LRP2: variants seen among roughly 807,000 people sequenced by gnomAD.
The protein encoded by LRP2 is low-density lipoprotein receptor-related protein 2.
A neutral mutation model predicts 531.0 loss-of-function variants in LRP2; 172 were observed. The observed-to-expected ratio is 0.32, with a 90% CI of 0.29 to 0.37. LRP2 has a LOEUF of 0.37. LRP2 is among the 10% of genes least tolerant of loss of function. The pLI is 1.00. For synonymous variants in LRP2, 1,992 were observed against 2,027.6 expected, an observed-to-expected ratio of 0.98 and a Z score of 0.47; for missense variants, 5,167 against 5,868.3, an observed-to-expected ratio of 0.88 and a Z score of 3.90.
chr2:169,138,625 T>C lies in LRP2; in HGVS notation c.13470A>G (p.Gly4490=). 2 of 1,614,016 alleles carry C rather than the reference T, an allele frequency of 1.2e-6. No homozygotes were observed. The highest frequency in any genetic ancestry group is 1.7e-6 in the Non-Finnish European group (2 of 1,179,942). The change falls in exon 75 of 79, where the codon GGA becomes GGG. Residue 4490 remains glycine (G), a synonymous_variant. Transcript: ENST00000649046. ...RSGADLNMDI[G]VSGFGPETAI... Reference sequence around the variant, plus strand: ...CAGTCTCAGGTCCAAAACCAGACACTCCAATATCCATGTTAAGATCTGCCC... The same window carrying C: ...CAGTCTCAGGTCCAAAACCAGACACCCCAATATCCATGTTAAGATCTGCCC...
intron 52 of LRP2, among the ~76,000 whole-genome samples, chr2:169,178,423 G>A (rs1324064190): frequency 1.3e-5 from 2 of 152,060 alleles, no homozygotes; most frequent in African/African-American, 2.4e-5. Context: ...CAACACCATT[G>A]GAAGAAATCA....
intron 15 of LRP2, among the ~76,000 whole-genome samples, chr2:169,272,379 CTG>C (rs1482059392): frequency 2.0e-5 from 3 of 152,040 alleles, no homozygotes; most frequent in Non-Finnish European, 2.9e-5. Flanking sequence ...AGGTGAAAAA[CTG>C]TGTGAGTAAC....
At chr2:169,162,451 T>C in intron 63 of LRP2, 21 bp downstream of exon 63, 2 of 1,613,852 alleles carry the variant, frequency 1.2e-6, no homozygotes, top group South Asian at 1.1e-5. Flanking sequence ...CAATGAACTA[T>C]AAAAACAAGT....
chr2:169,294,068 C>A, intron 6 of LRP2, 80 bp downstream of exon 6: 1 of 941,372 alleles, frequency 1.1e-6, no homozygotes, highest in Non-Finnish European at 1.8e-6. Flanking sequence ...GGTGGGGGAG[C>A]GGGGGGATAA....
chr2:169,362,380 G>T lies in LRP2; in HGVS notation c.20C>A (p.Ala7Glu). 6.4e-7 allele frequency: 1 copy of T among 1,567,552 alleles called. No individual in the cohort carries two copies. Among genetic ancestry groups the T allele is most frequent in the South Asian group, 1.2e-5 (1 of 85,260 alleles). The part of the protein sequence containing the change: MDRGPA[A>E]VACTLLLALV... ...AGCCAGGAGCAGCGTGCACGCCACTGCTGCCGGCCCGCGATCCATCTCCGC... is the reference window on the plus strand; with the variant it reads ...AGCCAGGAGCAGCGTGCACGCCACTTCTGCCGGCCCGCGATCCATCTCCGC... The change falls in exon 1 of 79, where the codon GCA becomes GAA. Residue 7 changes from alanine (A) to glutamate (E), a missense_variant. Around this residue, in one of 6 missense-constraint regions of LRP2, gnomAD observed 2,811 missense variants for 3,058.0 expected, o/e 0.92. Coordinates refer to ENST00000649046, the MANE Select transcript of LRP2 (RefSeq NM_004525.3).
chr2:169,208,485 C>T (rs1688476061), intron 38 of LRP2, among the ~76,000 whole-genome samples: 2 of 151,934 alleles, frequency 1.3e-5, no homozygotes, highest in Non-Finnish European at 2.9e-5. Flanking sequence ...GAGACAGAGT[C>T]TCAGTCTGTC....
At chr2:169,261,924 G>T (rs1163992373) in intron 16 of LRP2, among the ~76,000 whole-genome samples, 1 of 151,092 alleles carries the variant, frequency 6.6e-6, no homozygotes, top group African/African-American at 2.4e-5. Flanking sequence ...TCCCTGGGAT[G>T]CAAGGCTGGT....
chr2:169,348,606 A>G (rs1047579189), intron 1 of LRP2, among the ~76,000 whole-genome samples: 4 of 152,188 alleles, frequency 2.6e-5, no homozygotes, highest in African/African-American at 9.7e-5. Context: ...ATGACAGTCC[A>G]CTAACACGAA....
At chr2:169,269,894 T>C (rs1454308045) in intron 16 of LRP2, among the ~76,000 whole-genome samples, 1 of 151,952 alleles carries the variant, frequency 6.6e-6, no homozygotes, top group Non-Finnish European at 1.5e-5. Flanking sequence ...ACAAAGAACT[T>C]AAACAAATTT....
chr2:169,258,248 C>T (rs932697964), intron 17 of LRP2, among the ~76,000 whole-genome samples: 1 of 152,036 alleles, frequency 6.6e-6, no homozygotes, highest in Non-Finnish European at 1.5e-5. Flanking sequence ...AGCTGCGGGC[C>T]CTTTCACAAG....
chr2:169,191,320 T>A (rs962942031), intron 48 of LRP2, among the ~76,000 whole-genome samples: 5 of 152,144 alleles, frequency 3.3e-5, no homozygotes, highest in Non-Finnish European at 2.9e-5. Flanking sequence ...TTTCTTGTAG[T>A]AGAGAGAAGA....
intron 77 of LRP2, among the ~76,000 whole-genome samples, chr2:169,132,294 C>T (rs749293307): frequency 6.6e-5 from 10 of 152,124 alleles, no homozygotes; most frequent in Admixed American, 1.3e-4. Context: ...TGTCTCTGGT[C>T]TGAAGATACT....
Position 169,291,010 on chromosome 2 carries a change from A to T in LRP2, c.770-13T>A. The T allele has an allele frequency of 6.2e-7, 1 of 1,613,756 alleles. No homozygotes were observed. Among genetic ancestry groups the T allele is most frequent in the South Asian group, 1.1e-5 (1 of 91,032 alleles). ...TGAGGACCGCTTTCTGTGGGGGGAA[A>T]AAGAGAGAGTTACAGGCCATAGGGG... On this transcript the variant is annotated splice_polypyrimidine_tract_variant and intron_variant, in intron 7 of 78. Transcript: ENST00000649046.
chr2:169,174,897 C>T (rs755828631), intron 55 of LRP2, among the ~76,000 whole-genome samples: 15 of 148,334 alleles, frequency 1.0e-4, no homozygotes, highest in Non-Finnish European at 1.8e-4. Flanking sequence ...GGAAACCTCT[C>T]GTTTCCTCCT....
chr2:169,223,034 T>C (rs1446741672), intron 33 of LRP2, among the ~76,000 whole-genome samples: 1 of 152,184 alleles, frequency 6.6e-6, no homozygotes, highest in African/African-American at 2.4e-5. Context: ...ATATGTGAGC[T>C]ACTTAAAGAC....
intron 7 of LRP2, among the ~76,000 whole-genome samples, chr2:169,291,918 A>G (rs576103989): frequency 1.3e-5 from 2 of 152,248 alleles, no homozygotes; most frequent in African/African-American, 2.4e-5. Context: ...TTAGTTTTAT[A>G]TAGTTTTAAA....
intron 52 of LRP2, among the ~76,000 whole-genome samples, chr2:169,179,295 C>T (rs1687338321): frequency 6.6e-6 from 1 of 152,204 alleles, no homozygotes; most frequent in South Asian, 2.1e-4. Context: ...GTGTGAGCCA[C>T]TGCACCTAGC....
rs780751261 is a variant in LRP2 at position 169,138,635 on chromosome 2, A to G, written c.13460T>C (p.Met4487Thr). 7.4e-6 allele frequency: 12 copies of G among 1,613,894 alleles called. No homozygotes were observed. The highest frequency in any genetic ancestry group is 3.3e-5 in the Admixed American group (2 of 59,994). The part of the protein sequence containing the change: ...VTFRSGADLN[M>T]DIGVSGFGPE... The stretch of plus-strand genomic sequence containing the variant: ...TCCAAAACCAGACACTCCAATATCC[A>G]TGTTAAGATCTGCCCCTGATCTGAA... Residue 4487 changes from methionine (M) to threonine (T), a missense_variant, in exon 75 of 79, where the codon ATG (methionine) becomes ACG (threonine). Met to Thr is a moderately conservative substitution (Grantham distance 81, BLOSUM62 -1). Coordinates refer to ENST00000649046, the MANE Select transcript of LRP2 (RefSeq NM_004525.3).
intron 34 of LRP2, among the ~76,000 whole-genome samples, chr2:169,216,744 C>T (rs1432906086): frequency 6.6e-6 from 1 of 152,012 alleles, no homozygotes; most frequent in Non-Finnish European, 1.5e-5. Flanking sequence ...AGGAAGAAAC[C>T]TACATCAATA....
Sources: gnomAD v4.1 joint callset for allele counts (sites outside exome capture counted in the v4.1 genomes callset) on GRCh38, gnomAD v4.1.1 for gene constraint, gnomAD v4.1.1 regional missense constraint, MANE v1.5 for transcripts, NCBI Gene and HGNC (gene_info 2026-07-23, HGNC 2026-07-21) for gene names.